Variants in CDH12 observed in about 807,000 individuals in gnomAD.
CDH12 encodes the protein cadherin 12.
Under a neutral mutation model 74.1 loss-of-function variants are expected in CDH12, and 41 were observed. The ratio of observed to expected loss-of-function variants is 0.55; its 90% CI spans 0.43 to 0.72. The LOEUF (loss-of-function observed/expected upper bound fraction) is 0.72, where lower values mean the gene tolerates loss of function less well. Among genes scored for constraint, CDH12 ranks in the 30% least tolerant of loss-of-function variants. The pLI is 0.00. For synonymous variants in CDH12, 399 were observed against 355.0 expected, an observed-to-expected ratio of 1.12 and a Z score of -1.39; for missense variants, 945 against 977.2, an observed-to-expected ratio of 0.97 and a Z score of 0.44.
rs1190594709 is a variant in CDH12, at chr5:21,812,839, A to G, written c.1002+4106T>C. Among the ~76,000 whole-genome samples, 3 of 152,196 alleles carry G rather than the reference A, an allele frequency of 2.0e-5. No homozygotes were observed. In the East Asian group the frequency reaches 5.8e-4, roughly 29 times the overall value. ...TGCAGGCTACAATGTTCTTTCTAAT[A>G]GAACACTAGGTTAGCATAGGGGATT... On this transcript the variant is annotated intron_variant, in intron 9 of 14. Transcript: ENST00000382254.
chr5:22,005,985 T>A (rs1452360399), intron 5 of CDH12, among the ~76,000 whole-genome samples: 3 of 152,194 alleles, frequency 2.0e-5, no homozygotes, highest in Non-Finnish European at 4.4e-5. Context: ...AAAAGCTTTC[T>A]ATCCTCTTTC....
intron 1 of CDH12, among the ~76,000 whole-genome samples, chr5:22,683,690 G>T (rs566626608): frequency 6.6e-6 from 1 of 151,932 alleles, no homozygotes; most frequent in Non-Finnish European, 1.5e-5. Flanking sequence ...CACCTTTTTC[G>T]CTAAAGAAGA....
chr5:22,112,070 C>T (rs1209372473), intron 4 of CDH12, among the ~76,000 whole-genome samples: 1 of 148,920 alleles, frequency 6.7e-6, no homozygotes, highest in Non-Finnish European at 1.5e-5. Flanking sequence ...TCAAGATTAT[C>T]AGGTAAATTA....
intron 1 of CDH12, among the ~76,000 whole-genome samples, chr5:22,835,242 T>C (rs1736772804): frequency 6.6e-6 from 1 of 152,278 alleles, no homozygotes; most frequent in Non-Finnish European, 1.5e-5. Context: ...TTTTTTACAA[T>C]CTGCTTTGGC....
At chr5:21,854,441 A>G (rs1042568199) in intron 7 of CDH12, among the ~76,000 whole-genome samples, 3 of 151,732 alleles carry the variant, frequency 2.0e-5, no homozygotes, top group Non-Finnish European at 4.4e-5. Flanking sequence ...CTGCTTACCT[A>G]ACAAATTTGA....
chr5:22,802,119 ATTT>A (rs397883677), intron 1 of CDH12, among the ~76,000 whole-genome samples: 52 of 123,532 alleles, frequency 4.2e-4, no homozygotes, highest in African/African-American at 1.3e-3. Flanking sequence ...TTAAATTCGT[ATTT>A]TTTTTTTTTT....
chr5:22,643,158 C>T (rs1580845166), intron 1 of CDH12, among the ~76,000 whole-genome samples: 2 of 152,242 alleles, frequency 1.3e-5, no homozygotes, highest in African/African-American at 2.4e-5. Context: ...TATTTAATAA[C>T]ATTAAGGCTT....
At chr5:21,790,339 T>C (rs1307583926) in intron 10 of CDH12, among the ~76,000 whole-genome samples, 1 of 152,156 alleles carries the variant, frequency 6.6e-6, no homozygotes, top group Non-Finnish European at 1.5e-5. Context: ...CTCTTAGTTA[T>C]GTGTTTCTGT....
intron 5 of CDH12, among the ~76,000 whole-genome samples, chr5:22,004,128 C>A (rs577987150): frequency 7.2e-5 from 11 of 152,242 alleles, no homozygotes; most frequent in Admixed American, 5.9e-4. Flanking sequence ...ACGCATTAAA[C>A]CTCAGTCCAT....
rs10685463 is a variant in CDH12 at position 22,489,056 on chromosome 5, C to CTTTT, written c.-428+16210_-428+16213dup. Among the ~76,000 whole-genome samples the CTTTT allele has an allele frequency of 6.7e-3, 251 of 37,318 alleles. 81 individuals are homozygous for CTTTT. Among genetic ancestry groups the CTTTT allele is most frequent in the African/African-American group, 0.023 (206 of 9,082 alleles). The allele number at this position is 37,318 out of a possible 152,430, so 24.5% of individuals were successfully genotyped here. A position where few individuals can be genotyped will look rare whatever the true frequency, so the allele number is the denominator to read the frequency against. On this transcript the variant is annotated intron_variant, in intron 2 of 14. Coordinates refer to ENST00000382254, the MANE Select transcript of CDH12 (RefSeq NM_004061.5). Reference sequence around the variant, plus strand: ...AGTAATTGCAGTTTTTTGGTACCACCTTTTTTTTTTTTTTTTTTTGAGACA... The same window carrying CTTTT: ...AGTAATTGCAGTTTTTTGGTACCACCTTTTTTTTTTTTTTTTTTTTTTTGAGACA...
At chr5:21,934,542 A>G (rs1307616429) in intron 6 of CDH12, among the ~76,000 whole-genome samples, 1 of 152,214 alleles carries the variant, frequency 6.6e-6, no homozygotes, top group Admixed American at 6.5e-5. Context: ...TAATTAATAA[A>G]TTCTTCTGTT....
chr5:22,209,429 A>T (rs1319228709), intron 4 of CDH12, among the ~76,000 whole-genome samples: 1 of 152,224 alleles, frequency 6.6e-6, no homozygotes, highest in Non-Finnish European at 1.5e-5. Context: ...AATATTGTGA[A>T]TATCTTTCAC....
At chr5:22,037,984 A>T (rs1739302724) in intron 5 of CDH12, among the ~76,000 whole-genome samples, 1 of 152,186 alleles carries the variant, frequency 6.6e-6, no homozygotes, top group African/African-American at 2.4e-5. Context: ...CACCTTGGAC[A>T]CGTACAGTAC....
At chr5:22,586,345 G>C (rs1205352449) in intron 1 of CDH12, among the ~76,000 whole-genome samples, 1 of 151,936 alleles carries the variant, frequency 6.6e-6, no homozygotes, top group Non-Finnish European at 1.5e-5. Flanking sequence ...TTGTGGGGTG[G>C]GGGGAGTGAG....
At chr5:22,729,341 C>A (rs1247193833) in intron 1 of CDH12, among the ~76,000 whole-genome samples, 1 of 151,794 alleles carries the variant, frequency 6.6e-6, no homozygotes, top group East Asian at 1.9e-4. Context: ...CATGATGAAT[C>A]CCTCTTCATG....
chr5:22,101,893 G>A (rs771507372), intron 4 of CDH12, among the ~76,000 whole-genome samples: 9 of 151,986 alleles, frequency 5.9e-5, no homozygotes, highest in East Asian at 1.9e-4. Context: ...GGTCTCTGTC[G>A]CAACTATTCA....
chr5:22,627,160 C>T (rs1444957699), intron 1 of CDH12, among the ~76,000 whole-genome samples: 2 of 152,174 alleles, frequency 1.3e-5, no homozygotes, highest in Non-Finnish European at 1.5e-5. Flanking sequence ...ACTTGAAAAA[C>T]ATATTTGAGG....
At chr5:22,435,414 A>G (rs577109047) in intron 2 of CDH12, among the ~76,000 whole-genome samples, 18 of 151,802 alleles carry the variant, frequency 1.2e-4, no homozygotes, top group African/African-American at 4.3e-4. Context: ...ACACACACAT[A>G]TATATGTGTG....
intron 5 of CDH12, among the ~76,000 whole-genome samples, chr5:22,001,972 C>T (rs1458728974): frequency 6.6e-6 from 1 of 151,796 alleles, no homozygotes; most frequent in Non-Finnish European, 1.5e-5. Flanking sequence ...ATTGGATTTC[C>T]ATTCTGTGCT....
Sources: gnomAD v4.1 joint callset for allele counts (sites outside exome capture counted in the v4.1 genomes callset) on GRCh38, gnomAD v4.1.1 for gene constraint, MANE v1.5 for transcripts, NCBI Gene and HGNC (gene_info 2026-07-23, HGNC 2026-07-21) for gene names.